Variants in BTNL2 observed in about 807,000 individuals in gnomAD.
BTNL2 encodes butyrophilin-like protein 2.
In BTNL2, 46 loss-of-function variants were observed where a neutral mutation model predicts 46.8. The ratio of observed to expected loss-of-function variants is 0.98; its 90% CI spans 0.78 to 1.26. BTNL2 has a LOEUF of 1.26. Ranked by LOEUF, BTNL2 falls within the 50% of genes most tolerant of loss-of-function variation. The pLI is 0.00. For synonymous variants in BTNL2, 226 were observed against 229.1 expected (o/e 0.99, Z 0.12); for missense variants, 461 against 592.6 (o/e 0.78, Z 2.31).
In BTNL2 at chr6:32,396,140, A is replaced by G; in HGVS notation, c.977T>C (p.Leu326Pro). The change falls in exon 5 of 8, where the codon CTG becomes CCG. Residue 326 changes from leucine to proline, a missense_variant. Physicochemically the swap from Leu to Pro is moderately conservative, Grantham distance 98 (BLOSUM62 -3). Transcript: ENST00000454136. This position sits in a 1 kb window ranked among gnomAD's most constrained non-coding sequence, Gnocchi z 4.4. ...SDAIDEGRLT[L>P]QILSARPSDD... is the part of the protein sequence containing the mutation. The stretch of plus-strand genomic sequence containing the variant: ...CGAAGGTCTGGCACTGAGTATCTGC[A>G]GGGTCAGTCTGCCCTCGTCAATGGC... The G allele has an allele frequency of 6.2e-7, 1 of 1,613,120 alleles. No individual in the cohort carries two copies. The highest frequency in any genetic ancestry group is 8.5e-7 in the Non-Finnish European group (1 of 1,180,038).
chr6:32,401,851 G>T (rs1776802918), intron 3 of BTNL2, 46 bp from the exon 4 acceptor site: 2 of 1,540,162 alleles, frequency 1.3e-6, no homozygotes, highest in Non-Finnish European at 1.8e-6. Context: ...TGGTGTAAGG[G>T]AAAGGAGAGA....
chr6:32,394,609 G>T lies in BTNL2; in HGVS notation c.1360+135C>A. 1 of 1,045,694 alleles carries T rather than the reference G, an allele frequency of 9.6e-7. No homozygotes were observed. The highest frequency in any genetic ancestry group is 1.4e-6 in the Non-Finnish European group (1 of 736,224). 64.8% of individuals were successfully genotyped at this position (1,045,694 alleles called of 1,614,324 possible). A position where few individuals can be genotyped will look rare whatever the true frequency, so the allele number is the denominator to read the frequency against. On this transcript the variant is annotated intron_variant, in intron 6 of 7. Coordinates refer to ENST00000454136, the MANE Select transcript of BTNL2 (RefSeq NM_001304561.2). The surrounding 1 kb of genome is among the most constrained non-coding windows in gnomAD (Gnocchi z 4.6). ...CCTGGGTGTCCTGAAAACCAGCTTT[G>T]CAGAGGATAGCAGGAGACCTCGTCA...
intron 5 of BTNL2, 82 bp from the exon 6 acceptor site, chr6:32,395,107 G>A: frequency 7.1e-7 from 1 of 1,411,750 alleles, no homozygotes; most frequent in Non-Finnish European, 9.6e-7. Flanking sequence ...GAAAGAAGGG[G>A]ATGTGGAGGG....
chr6:32,396,490 A>G lies in BTNL2; in HGVS notation c.731-104T>C. 1 of 1,177,510 alleles carries G rather than the reference A, an allele frequency of 8.5e-7. No individual in the cohort carries two copies. The allele number at this position is 1,177,510 out of a possible 1,614,324, so 72.9% of individuals were successfully genotyped here. On this transcript the variant is annotated intron_variant, in intron 4 of 7. Coordinates refer to ENST00000454136, the MANE Select transcript of BTNL2 (RefSeq NM_001304561.2). The surrounding 1 kb of genome is among the most constrained non-coding windows in gnomAD (Gnocchi z 4.4). ...GGAGTTTAGAAACCATGAGCATCCCAGGGTTGCTGTGAGGCTCAGGGTCAT... is the reference window on the plus strand; with the variant it reads ...GGAGTTTAGAAACCATGAGCATCCCGGGGTTGCTGTGAGGCTCAGGGTCAT...
At chr6:32,405,574 T>C in intron 1 of BTNL2, 1 of 435,982 alleles carries the variant, frequency 2.3e-6, no homozygotes, top group Non-Finnish European at 4.3e-6. Flanking sequence ...TTTTGAGATT[T>C]GAAGTCCTAA....
chr6:32,402,038 TG>T (rs765803371), intron 3 of BTNL2, among the ~76,000 whole-genome samples: 2 of 152,208 alleles, frequency 1.3e-5, no homozygotes, highest in Non-Finnish European at 2.9e-5. Context: ...ATGATTCTGT[TG>T]GTTTCTTCTG....
Position 32,405,008 on chromosome 6 carries a change from C to T in BTNL2, c.358G>A (p.Gly120Arg), listed in dbSNP as rs868128830. Residue 120 changes from glycine (G) to arginine (R), a missense_variant, in exon 2 of 8, where the codon GGA (glycine) becomes AGA (arginine). Physicochemically the swap from Gly to Arg is moderately radical, Grantham distance 125 (BLOSUM62 -2). Coordinates refer to ENST00000454136, the MANE Select transcript of BTNL2 (RefSeq NM_001304561.2). ...KIHNIQPSDN[G>R]QYWCHFQDGN... ...TCCTGGAAATGGCACCAGTATTGTCCATTGTCGGAGGGCTGGATGTTGTGT... is the reference window on the plus strand; with the variant it reads ...TCCTGGAAATGGCACCAGTATTGTCTATTGTCGGAGGGCTGGATGTTGTGT... 6.2e-7 allele frequency: 1 copy of T among 1,613,074 alleles called. No homozygotes were observed. The highest frequency in any genetic ancestry group is 8.5e-7 in the Non-Finnish European group (1 of 1,180,038).
intron 4 of BTNL2, among the ~76,000 whole-genome samples, chr6:32,400,599 A>G (rs1232962438): frequency 2.0e-5 from 3 of 151,974 alleles, no homozygotes; most frequent in African/African-American, 4.8e-5. Context: ...CCCTCAGTCC[A>G]ACTCCGAGAT....
chr6:32,405,039 C>T lies in BTNL2; in HGVS notation c.327G>A (p.Leu109=). ...ENGIAKGNVA[L]KIHNIQPSDN... ...CGGAGGGCTGGATGTTGTGTATCTT[C>T]AGTGCCACATTTCCCTTTGCAATGC... Residue 109 remains leucine (L), a synonymous_variant, in exon 2 of 8, where the codon CTG becomes CTA. Coordinates refer to ENST00000454136, the MANE Select transcript of BTNL2 (RefSeq NM_001304561.2). 1.2e-6 allele frequency: 2 copies of T among 1,613,096 alleles called. No homozygotes were observed. Among genetic ancestry groups the T allele is most frequent in the Non-Finnish European group, 1.7e-6 (2 of 1,180,044 alleles).
At chr6:32,400,835 T>G (rs1311810476) in intron 4 of BTNL2, among the ~76,000 whole-genome samples, 1 of 141,264 alleles carries the variant, frequency 7.1e-6, no homozygotes, top group African/African-American at 2.6e-5. Flanking sequence ...ATAGCTTGAA[T>G]CCAGGAGATG....
chr6:32,394,728 A>G lies in BTNL2; in HGVS notation c.1360+16T>C, dbSNP rs767989321. 4.4e-6 allele frequency: 7 copies of G among 1,605,604 alleles called. No individual in the cohort carries two copies. Among genetic ancestry groups the G allele is most frequent in the East Asian group, 2.2e-5 (1 of 44,706 alleles). On this transcript the variant is annotated intron_variant, in intron 6 of 7. Transcript: ENST00000454136. This position sits in a 1 kb window ranked among gnomAD's most constrained non-coding sequence, Gnocchi z 4.6. ...ATTTATTTTCCAAACCTGAAGGAACATAAGGAATCACCAACCTGAGAGAGA... is the reference window on the plus strand; with the variant it reads ...ATTTATTTTCCAAACCTGAAGGAACGTAAGGAATCACCAACCTGAGAGAGA...
At chr6:32,400,243 G>T (rs1177695527) in intron 4 of BTNL2, among the ~76,000 whole-genome samples, 1 of 152,158 alleles carries the variant, frequency 6.6e-6, no homozygotes, top group African/African-American at 2.4e-5. Flanking sequence ...GGGGTTGAAG[G>T]TGCCATAGTA....
At position 32,400,193 on chromosome 6, in the gene BTNL2, C is replaced by T. The variant is rs141329843; in HGVS notation, c.730+1592G>A. Among the ~76,000 whole-genome samples, 384 of 152,258 alleles carry T rather than the reference C, an allele frequency of 2.5e-3. 1 individual carries two copies. Among genetic ancestry groups the T allele is most frequent in the African/African-American group, 8.3e-3 (346 of 41,552 alleles). On this transcript the variant is annotated intron_variant, in intron 4 of 7. Transcript: ENST00000454136. ...CTCCTCAGATTGTGGAGTTACTTTG[C>T]GCCTTCCAGGGACCCTTCCCTTTAT...
intron 2 of BTNL2, 36 bp from the exon 3 acceptor site, chr6:32,403,252 CCACAGAGGCAGAAAT>C (rs1263465833): frequency 1.9e-6 from 3 of 1,556,126 alleles, no homozygotes; most frequent in South Asian, 2.3e-5. Flanking sequence ...CACCCAGAGC[CCACAGAGGCAGAAAT>C]CACAGAGGCT....
intron 3 of BTNL2, among the ~76,000 whole-genome samples, chr6:32,402,325 T>C (rs1205873145): frequency 2.6e-5 from 4 of 152,194 alleles, no homozygotes. Context: ...TTATAAGTTA[T>C]TTAAGGCCAG....
chr6:32,400,816 A>G (rs3129957), intron 4 of BTNL2, among the ~76,000 whole-genome samples: 89,095 of 132,076 alleles, frequency 0.67, 32,752 homozygotes, highest in African/African-American at 0.75. Context: ...AGGAGGCTGA[A>G]GCAGGAGAAT....
chr6:32,397,903 C>T (rs1776545498), intron 4 of BTNL2, among the ~76,000 whole-genome samples: 1 of 152,174 alleles, frequency 6.6e-6, no homozygotes, highest in African/African-American at 2.4e-5. Flanking sequence ...TATTTTATTT[C>T]CCCAATGCTC....
At position 32,403,220 on chromosome 6, in the gene BTNL2, C is replaced by T; in HGVS notation, c.428-4G>A. ...ATGCTAGGGGCAGACCCCAGACCTGCAGAGGGAAGCCACAGCTCTGACACC... is the reference window on the plus strand; with the variant it reads ...ATGCTAGGGGCAGACCCCAGACCTGTAGAGGGAAGCCACAGCTCTGACACC... On this transcript the variant is annotated splice_region_variant and splice_polypyrimidine_tract_variant and intron_variant, in intron 2 of 7. Transcript: ENST00000454136. The T allele has an allele frequency of 6.3e-7, 1 of 1,596,834 alleles. No individual in the cohort carries two copies. The highest frequency in any genetic ancestry group is 2.3e-5 in the East Asian group (1 of 44,084).
chr6:32,393,653 C>A lies in BTNL2; in HGVS notation c.*7-264G>T. On this transcript the variant is annotated intron_variant, in intron 7 of 7. Coordinates refer to ENST00000454136, the MANE Select transcript of BTNL2 (RefSeq NM_001304561.2). The surrounding 1 kb of genome is among the most constrained non-coding windows in gnomAD (Gnocchi z 4.8). The stretch of plus-strand genomic sequence containing the variant: ...GAACCTCAGCTCTCAGCCTTGAAAA[C>A]AAGGATGGCTGTACTACTCACTTTT... 1 of 199,410 alleles carries A rather than the reference C, an allele frequency of 5.0e-6. No homozygotes were observed. Among genetic ancestry groups the A allele is most frequent in the South Asian group, 1.6e-4 (1 of 6,230 alleles). The allele number at this position is 199,410 out of a possible 1,614,324, so 12.4% of individuals were successfully genotyped here.
Sources: allele counts gnomAD v4.1 joint callset (sites outside exome capture counted in the v4.1 genomes callset), GRCh38; gene constraint gnomAD v4.1.1; non-coding constraint Gnocchi (gnomAD v3.1); transcripts MANE v1.5; gene names NCBI Gene and HGNC (gene_info 2026-07-23, HGNC 2026-07-21).